Variants in GFRA1 observed in about 807,000 individuals in gnomAD.
GFRA1 encodes the protein GDNF family receptor alpha 1.
In GFRA1, 16 loss-of-function variants were observed where a neutral mutation model predicts 51.6. The observed-to-expected ratio is 0.31, with a 90% CI of 0.21 to 0.47. The LOEUF (loss-of-function observed/expected upper bound fraction) is 0.47. Among genes scored for constraint, GFRA1 ranks in the 20% least tolerant of loss-of-function variants. The pLI, the probability that GFRA1 is intolerant of heterozygous loss-of-function variation, is 1.00. For synonymous variants in GFRA1, 270 were observed against 241.3 expected (o/e 1.12, Z -1.10); for missense variants, 530 against 594.3 (o/e 0.89, Z 1.13).
intron 5 of GFRA1, among the ~76,000 whole-genome samples, chr10:116,141,499 C>G (rs1409683986): frequency 6.6e-6 from 1 of 151,098 alleles, no homozygotes; most frequent in East Asian, 2.0e-4. Context: ...CAATGAGTAA[C>G]TAGAGGCAGG....
chr10:116,086,288 G>C (rs1368801333), intron 9 of GFRA1, among the ~76,000 whole-genome samples: 1 of 152,150 alleles, frequency 6.6e-6, no homozygotes. Flanking sequence ...AGGAAGCATA[G>C]CACCACCTTC....
At chr10:116,265,678 T>C (rs192699880) in intron 4 of GFRA1, among the ~76,000 whole-genome samples, 2 of 152,270 alleles carry the variant, frequency 1.3e-5, no homozygotes, top group Non-Finnish European at 2.9e-5. Flanking sequence ...TGCTAAACAG[T>C]GCATTGCGCA....
chr10:116,127,015 T>G (rs1398203451), intron 5 of GFRA1, among the ~76,000 whole-genome samples: 3 of 152,054 alleles, frequency 2.0e-5, no homozygotes, highest in Non-Finnish European at 4.4e-5. Context: ...TACTGCCTGA[T>G]TCCACGTATA....
At chr10:116,153,266 C>A (rs188465628) in intron 5 of GFRA1, among the ~76,000 whole-genome samples, 63 of 152,322 alleles carry the variant, frequency 4.1e-4, no homozygotes, top group Admixed American at 2.2e-3. Flanking sequence ...GACTGATAAA[C>A]AAAGAATGAA....
At chr10:116,173,907 C>G (rs149400316) in intron 5 of GFRA1, among the ~76,000 whole-genome samples, 2,978 of 152,098 alleles carry the variant, frequency 0.02, 95 homozygotes, top group African/African-American at 0.066. Flanking sequence ...ATAGAGAAAC[C>G]CTGTCTCTAC....
Position 116,272,039 on chromosome 10 carries a change from G to C in GFRA1, c.-10C>G, listed in dbSNP as rs1438493898. The C allele has an allele frequency of 5.1e-6, 8 of 1,553,520 alleles. No homozygotes were observed. The highest frequency in any genetic ancestry group is 8.7e-7 in the Non-Finnish European group (1 of 1,149,278). ...GGGTCGCCAGGAACATGGTGCCGGC[G>C]CGGGGCTGGTCCCCGCCCCCCCAAA... On this transcript the variant is annotated 5_prime_UTR_variant, in exon 2 of 11. Coordinates refer to ENST00000355422, the MANE Select transcript of GFRA1 (RefSeq NM_005264.8). This position sits in a 1 kb window ranked among gnomAD's most constrained non-coding sequence, Gnocchi z 4.4.
chr10:116,210,590 A>T (rs1424141907), intron 5 of GFRA1, among the ~76,000 whole-genome samples: 1 of 152,124 alleles, frequency 6.6e-6, no homozygotes, highest in Non-Finnish European at 1.5e-5. Flanking sequence ...ATGACTCCAG[A>T]CTCTTAAAAG....
intron 7 of GFRA1, among the ~76,000 whole-genome samples, chr10:116,094,936 A>T (rs938875212): frequency 6.6e-6 from 1 of 152,184 alleles, no homozygotes; most frequent in African/African-American, 2.4e-5. Context: ...GCATACATGG[A>T]AGAAGTAGGA....
Position 116,240,408 on chromosome 10 carries a change from A to G in GFRA1, c.419-28763T>C, listed in dbSNP as rs1201694091. Among the ~76,000 whole-genome samples the G allele has an allele frequency of 3.3e-5, 5 of 152,304 alleles. No individual in the cohort carries two copies. In the East Asian group the frequency reaches 7.7e-4, roughly 24 times the overall value. ...TGAAAATTAAGACCAAATACTTGGC[A>G]CCCACTGACTAGTTTCTTTCTCATA... is the stretch of plus-strand genomic sequence containing the variant. On this transcript the variant is annotated intron_variant, in intron 4 of 10. Coordinates refer to ENST00000355422, the MANE Select transcript of GFRA1 (RefSeq NM_005264.8).
chr10:116,213,556 C>T (rs975236854), intron 4 of GFRA1, among the ~76,000 whole-genome samples: 19 of 152,178 alleles, frequency 1.2e-4, no homozygotes, highest in African/African-American at 3.9e-4. Flanking sequence ...ACATTTACAA[C>T]CCAAATTTTA....
intron 5 of GFRA1, among the ~76,000 whole-genome samples, chr10:116,174,560 T>C (rs1961394750): frequency 6.6e-6 from 1 of 152,180 alleles, no homozygotes; most frequent in Non-Finnish European, 1.5e-5. Context: ...ATTCTAGAAA[T>C]CAGAATTCTC....
chr10:116,162,938 A>G (rs1959980816), intron 5 of GFRA1, among the ~76,000 whole-genome samples: 1 of 152,184 alleles, frequency 6.6e-6, no homozygotes, highest in Admixed American at 6.5e-5. Context: ...ATATACCTGC[A>G]TGCAGAACAG....
chr10:116,089,653 T>C, intron 9 of GFRA1, 88 bp downstream of exon 9: 1 of 1,081,636 alleles, frequency 9.2e-7, no homozygotes. Flanking sequence ...CATCTCTCTC[T>C]GCATACATTT....
At chr10:116,134,446 A>ACGTATGT (rs1182343184) in intron 5 of GFRA1, among the ~76,000 whole-genome samples, 1 of 152,228 alleles carries the variant, frequency 6.6e-6, no homozygotes, top group Non-Finnish European at 1.5e-5. Flanking sequence ...TGATATCCAC[A>ACGTATGT]CGGATCGTAT....
intron 4 of GFRA1, chr10:116,255,892 C>A: frequency 4.2e-6 from 1 of 238,488 alleles, no homozygotes; most frequent in Non-Finnish European, 6.8e-6. Context: ...ATTGGAATTT[C>A]GGGTATGGCT....
intron 5 of GFRA1, among the ~76,000 whole-genome samples, chr10:116,173,874 CGA>C (rs1961303438): frequency 5.4e-4 from 14 of 25,992 alleles, no homozygotes; most frequent in Non-Finnish European, 9.3e-4. Context: ...GTCGGGAGTT[CGA>C]TCGAGACCAG....
At chr10:116,222,937 G>C (rs1017315175) in intron 4 of GFRA1, among the ~76,000 whole-genome samples, 15 of 152,074 alleles carry the variant, frequency 9.9e-5, no homozygotes, top group African/African-American at 3.4e-4. Flanking sequence ...CATTTACATA[G>C]TATTTACACT....
chr10:116,226,197 T>TC (rs1410934706), intron 4 of GFRA1, among the ~76,000 whole-genome samples: 2 of 152,160 alleles, frequency 1.3e-5, no homozygotes, highest in African/African-American at 4.8e-5. Flanking sequence ...GCACAAACAG[T>TC]CCCTTGTTTG....
intron 4 of GFRA1, chr10:116,255,636 G>A (rs987789735): frequency 7.8e-7 from 1 of 1,288,506 alleles, no homozygotes; most frequent in African/African-American, 1.5e-5. Flanking sequence ...TAGCTCACCT[G>A]GAATCCACTC....
Sources: gnomAD v4.1 joint callset for allele counts (sites outside exome capture counted in the v4.1 genomes callset) on GRCh38, gnomAD v4.1.1 for gene constraint, Gnocchi (gnomAD v3.1) non-coding constraint, MANE v1.5 for transcripts, NCBI Gene and HGNC (gene_info 2026-07-23, HGNC 2026-07-21) for gene names.